ITFG2: variants seen among roughly 807,000 people sequenced by gnomAD.
ITFG2 encodes integrin alpha FG-GAP repeat containing 2, also known as KICSTOR complex protein ITFG2.
ITFG2 carries 36 observed loss-of-function variants against 54.4 expected under a neutral mutation model. The ratio of observed to expected loss-of-function variants is 0.66; its 90% confidence interval spans 0.51 to 0.87. The LOEUF is 0.87. Ranked by LOEUF, ITFG2 falls within the 40% of genes least tolerant of loss-of-function variation. ITFG2 has a pLI of 0.00. For synonymous variants in ITFG2, 211 were observed against 225.4 expected (o/e 0.94, Z 0.57); for missense variants, 524 against 576.7 (o/e 0.91, Z 0.94).
At chr12:2,829,920 A>T (rs568425435), downstream of ITFG2, among the ~76,000 whole-genome samples, 1 of 152,084 alleles carries the variant, frequency 6.6e-6, no homozygotes, top group East Asian at 1.9e-4. Context: ...TCTACTAAAA[A>T]TACAAAATTA....
Position 2,821,292 on chromosome 12 carries a change from GCACCAGACATCTGGCCGTATC to G in ITFG2, c.730_750del (p.Gln244_His250del), listed in dbSNP as rs1420033680. 6.2e-7 allele frequency: 1 copy of G among 1,609,666 alleles called. No homozygotes were observed. The highest frequency in any genetic ancestry group is 1.3e-5 in the African/African-American group (1 of 74,820). On this transcript the variant is annotated inframe_deletion, in exon 7 of 12. Coordinates refer to ENST00000228799, the MANE Select transcript of ITFG2 (RefSeq NM_018463.4). ...CCCCAGCTGCCCGAGACGTGGTGCT[GCACCAGACATCTGGCCGTATC>G]CACAACAAGAATGTCTCCACTCACC...
At chr12:2,852,398 A>G (rs770064880) in intron 2 of ITFG2, among the ~76,000 whole-genome samples, 1 of 151,876 alleles carries the variant, frequency 6.6e-6, no homozygotes, top group Non-Finnish European at 1.5e-5. Context: ...CTAGGGTCTC[A>G]CCACGTTGCC....
chr12:2,821,463 C>G (rs2153924641), intron 7 of ITFG2, 80 bp from the exon 8 acceptor site: 1 of 1,569,006 alleles, frequency 6.4e-7, no homozygotes, highest in South Asian at 1.1e-5. Context: ...TGTCCTTCCC[C>G]TGCTGCTGCA....
In ITFG2 at chr12:2,845,899, A is replaced by G. The variant is rs1397423644; in HGVS notation, n.300+4904A>G. On this transcript the variant is annotated intron_variant and non_coding_transcript_variant, in intron 2 of 3. Coordinates refer to the ITFG2 transcript ENST00000537710. This position sits in a 1 kb window ranked among gnomAD's most constrained non-coding sequence, Gnocchi z 4.2. Reference sequence around the variant, plus strand: ...CTTTTTTTTGTTGAGTTAGGGTCTCACTGTATTCCCCAGGCTGGTCTGAAA... The same window carrying G: ...CTTTTTTTTGTTGAGTTAGGGTCTCGCTGTATTCCCCAGGCTGGTCTGAAA... 6.6e-6 allele frequency among the ~76,000 whole-genome samples: 1 copy of G among 151,874 alleles called. No individual in the cohort carries two copies. The highest frequency in any genetic ancestry group is 2.4e-5 in the African/African-American group (1 of 41,322).
intron 4 of ITFG2, among the ~76,000 whole-genome samples, chr12:2,819,324 C>T (rs991307002): frequency 2.6e-5 from 4 of 152,034 alleles, no homozygotes; most frequent in African/African-American, 4.8e-5. Flanking sequence ...AAAAATTAAC[C>T]GGGCATGGTG....
chr12:2,853,179 A>G (rs1377696324), intron 2 of ITFG2, among the ~76,000 whole-genome samples: 5 of 152,178 alleles, frequency 3.3e-5, no homozygotes, highest in African/African-American at 1.2e-4. Context: ...AGCACCTATC[A>G]GCAACTGGCA....
intron 2 of ITFG2, 104 bp downstream of exon 2, chr12:2,817,422 C>G: frequency 1.3e-6 from 1 of 743,952 alleles, no homozygotes; most frequent in Non-Finnish European, 2.2e-6. Context: ...TGTCCTGACT[C>G]CCTAGCTACT....
At chr12:2,855,118 G>A (rs1269009428) in intron 2 of ITFG2, 1 of 1,534,256 alleles carries the variant, frequency 6.5e-7, no homozygotes, top group Admixed American at 2.0e-5. Flanking sequence ...GTGCTCCGTG[G>A]GGGGGCATCT....
At chr12:2,822,038 T>G (rs1376741693) in intron 9 of ITFG2, among the ~76,000 whole-genome samples, 2 of 151,722 alleles carry the variant, frequency 1.3e-5, no homozygotes, top group Admixed American at 6.6e-5. Flanking sequence ...AGCCATTCTG[T>G]CACCTCAGCC....
intron 1 of ITFG2, 125 bp downstream of exon 1, chr12:2,812,981 C>T: frequency 1.3e-6 from 1 of 753,704 alleles, no homozygotes. Context: ...GTTTGGAGCG[C>T]TAGAGAGAAA....
chr12:2,813,649 C>T lies in ITFG2; in HGVS notation c.96+793C>T, dbSNP rs113073467. On this transcript the variant is annotated intron_variant, in intron 1 of 11. Coordinates refer to ENST00000228799, the MANE Select transcript of ITFG2 (RefSeq NM_018463.4). The stretch of plus-strand genomic sequence containing the variant: ...TTGCAGACTTTATCTTTTCATTTAT[C>T]ATCTATTTCATAGTTCTAATGCAAA... 3.4e-4 allele frequency among the ~76,000 whole-genome samples: 52 copies of T among 152,240 alleles called. No individual in the cohort carries two copies. The South Asian group carries it at 8.7e-3, about 26-fold the overall frequency.
chr12:2,815,454 G>T (rs1455802150), intron 1 of ITFG2, among the ~76,000 whole-genome samples: 1 of 152,196 alleles, frequency 6.6e-6, no homozygotes, highest in East Asian at 1.9e-4. Flanking sequence ...GGCACTGGAG[G>T]CCCAGAGTGG....
downstream of ITFG2, chr12:2,827,078 G>C (rs1403423890): frequency 6.6e-7 from 1 of 1,508,392 alleles, no homozygotes; most frequent in South Asian, 1.3e-5. This position sits in a 1 kb window ranked among gnomAD's most constrained non-coding sequence, Gnocchi z 4.0. Context: ...GGGACAGCAG[G>C]GGTCAGGGAG....
intron 3 of ITFG2, chr12:2,858,474 CA>C: frequency 1.6e-6 from 1 of 609,196 alleles, no homozygotes; most frequent in South Asian, 2.2e-5. Context: ...AAGGTCCCAG[CA>C]GTGGCTAGGG....
intron 3 of ITFG2, 57 bp from the exon 4 acceptor site, chr12:2,818,049 G>T: frequency 1.2e-6 from 2 of 1,608,666 alleles, no homozygotes; most frequent in Middle Eastern, 1.7e-4. Flanking sequence ...TGATGATCAG[G>T]CTTGTTTCCA....
chr12:2,842,739 A>G (rs1020595285), intron 2 of ITFG2, among the ~76,000 whole-genome samples: 5 of 152,136 alleles, frequency 3.3e-5, no homozygotes, highest in Non-Finnish European at 7.3e-5. Context: ...CTCAAAACAA[A>G]CAAACAAAAA....
intron 2 of ITFG2, among the ~76,000 whole-genome samples, chr12:2,842,714 A>C (rs186036639): frequency 6.6e-6 from 1 of 152,294 alleles, no homozygotes; most frequent in East Asian, 1.9e-4. Flanking sequence ...CCTGGGTTAC[A>C]GAGTGAGACC....
At chr12:2,842,946 C>A (rs1262930079) in intron 2 of ITFG2, among the ~76,000 whole-genome samples, 1 of 151,972 alleles carries the variant, frequency 6.6e-6, no homozygotes. Context: ...GAACTGTATC[C>A]CACCTTCCTT....
At chr12:2,854,899 T>C (rs1019986290) in intron 2 of ITFG2, 1 of 1,533,132 alleles carries the variant, frequency 6.5e-7, no homozygotes, top group Non-Finnish European at 8.7e-7. Context: ...GTCTTACTTC[T>C]TGAAGCTCGC....
Sources: allele counts gnomAD v4.1 joint callset (sites outside exome capture counted in the v4.1 genomes callset), GRCh38; gene constraint gnomAD v4.1.1; non-coding constraint Gnocchi (gnomAD v3.1); transcripts MANE v1.5; gene names NCBI Gene and HGNC (gene_info 2026-07-23, HGNC 2026-07-21).